Variants in STXBP5L observed in about 807,000 individuals in gnomAD.
STXBP5L encodes the protein syntaxin-binding protein 5-like.
STXBP5L carries 65 observed loss-of-function variants against 144.5 expected under a neutral mutation model. The observed-to-expected ratio is 0.45, with a 90% CI of 0.37 to 0.55. The LOEUF (loss-of-function observed/expected upper bound fraction) is 0.55. Among genes scored for constraint, STXBP5L ranks in the 20% least tolerant of loss-of-function variants. The pLI is 0.00. For synonymous variants in STXBP5L, 505 were observed against 469.6 expected (o/e 1.08, Z -0.97); for missense variants, 1,298 against 1,405.5 (o/e 0.92, Z 1.22).
intron 12 of STXBP5L, 45 bp downstream of exon 12, chr3:121,233,733 T>C (rs1431501206): frequency 1.5e-6 from 2 of 1,358,230 alleles, no homozygotes; most frequent in Non-Finnish European, 1.0e-6. Context: ...CTCTATTTAT[T>C]TTAGATTATT....
chr3:121,074,218 G>A (rs1038510094), intron 5 of STXBP5L, among the ~76,000 whole-genome samples: 57 of 152,142 alleles, frequency 3.7e-4, no homozygotes, highest in African/African-American at 1.3e-3. Flanking sequence ...TCAGGAGCTC[G>A]TTGGATGCAG....
intron 19 of STXBP5L, among the ~76,000 whole-genome samples, chr3:121,301,958 C>T (rs338968): frequency 0.76 from 115,667 of 152,126 alleles, 44,082 homozygotes; most frequent in East Asian, 0.93. Context: ...CAGTATTTTA[C>T]TGAGGATTTT....
intron 3 of STXBP5L, among the ~76,000 whole-genome samples, chr3:121,016,436 A>G (rs754939722): frequency 6.6e-6 from 1 of 152,230 alleles, no homozygotes; most frequent in Admixed American, 6.5e-5. Context: ...AGGAAATTCT[A>G]GAAATCAAAA....
intron 16 of STXBP5L, 151 bp downstream of exon 16, chr3:121,255,263 T>C (rs909841152): frequency 9.8e-6 from 5 of 507,846 alleles, no homozygotes; most frequent in African/African-American, 2.0e-5. Flanking sequence ...TATTGTTACT[T>C]ACTATAACAT....
At chr3:121,026,030 TAA>T (rs1026902824) in intron 3 of STXBP5L, among the ~76,000 whole-genome samples, 21 of 137,346 alleles carry the variant, frequency 1.5e-4, no homozygotes, top group Admixed American at 2.2e-4. Context: ...TATAATTTTA[TAA>T]GTTATATATA....
chr3:121,093,987 G>T (rs918386740), intron 5 of STXBP5L, among the ~76,000 whole-genome samples: 2 of 152,190 alleles, frequency 1.3e-5, no homozygotes, highest in Admixed American at 6.5e-5. Flanking sequence ...GTTCTCGTTG[G>T]TTTCAAAGAA....
intron 3 of STXBP5L, among the ~76,000 whole-genome samples, chr3:121,038,352 C>T (rs1328959425): frequency 6.6e-6 from 1 of 151,786 alleles, no homozygotes; most frequent in Non-Finnish European, 1.5e-5. Context: ...ATTAAATTAT[C>T]TACTGTTTTT....
chr3:120,966,531 G>A (rs1471763316), intron 3 of STXBP5L, among the ~76,000 whole-genome samples: 3 of 152,182 alleles, frequency 2.0e-5, no homozygotes, highest in Non-Finnish European at 2.9e-5. Flanking sequence ...CCTTCTAACA[G>A]TCAGGTCCCT....
At chr3:121,056,726 C>CA (rs1948485950) in intron 5 of STXBP5L, among the ~76,000 whole-genome samples, 1 of 152,064 alleles carries the variant, frequency 6.6e-6, no homozygotes. Flanking sequence ...TTCCCCTCAG[C>CA]AGAGCTAAAC....
At chr3:121,346,669 T>A (rs889055562) in intron 20 of STXBP5L, among the ~76,000 whole-genome samples, 1 of 152,206 alleles carries the variant, frequency 6.6e-6, no homozygotes, top group African/African-American at 2.4e-5. Flanking sequence ...TGGTATCTCA[T>A]TGTGGTTTTG....
rs2044280914 is a variant in STXBP5L at position 121,117,454 on chromosome 3, T to C, written c.605+2395T>C. Reference sequence around the variant, plus strand: ...TGACAGATAACATTTTAAATGCCAATTTCCAATCTCCTGGAACTGTCTTTT... The same window carrying C: ...TGACAGATAACATTTTAAATGCCAACTTCCAATCTCCTGGAACTGTCTTTT... On this transcript the variant is annotated intron_variant, in intron 6 of 26. Transcript: ENST00000471454. Among the ~76,000 whole-genome samples the C allele has an allele frequency of 2.0e-5, 3 of 151,846 alleles. No homozygotes were observed. The South Asian group carries it at 6.2e-4, about 31-fold the overall frequency.
chr3:120,976,771 C>T (rs1446842823), intron 3 of STXBP5L, among the ~76,000 whole-genome samples: 1 of 152,180 alleles, frequency 6.6e-6, no homozygotes, highest in South Asian at 2.1e-4. Context: ...TTTCAAAGAA[C>T]ATCTTTATTC....
chr3:120,944,575 T>C (rs1710745332), intron 2 of STXBP5L, among the ~76,000 whole-genome samples: 1 of 151,806 alleles, frequency 6.6e-6, no homozygotes, highest in African/African-American at 2.4e-5. Flanking sequence ...TCTTTGAATG[T>C]GATAGTTTCC....
chr3:121,283,979 T>C (rs1004225074), intron 19 of STXBP5L, among the ~76,000 whole-genome samples: 14 of 151,760 alleles, frequency 9.2e-5, no homozygotes, highest in Admixed American at 6.6e-5. Context: ...AGACTTCTTT[T>C]GGCTTTACAG....
rs561213267 is a variant in STXBP5L at position 121,023,015 on chromosome 3, A to G, written c.288-18685A>G. On this transcript the variant is annotated intron_variant, in intron 3 of 26. Transcript: ENST00000471454. ...CCTAGAAAACTCTAAAGACTCATCTAAAAAGCTCCTAGAACTGGTAAATAG... is the reference window on the plus strand; with the variant it reads ...CCTAGAAAACTCTAAAGACTCATCTGAAAAGCTCCTAGAACTGGTAAATAG... 3.3e-5 allele frequency among the ~76,000 whole-genome samples: 5 copies of G among 152,158 alleles called. No homozygotes were observed. The South Asian group carries it at 1.0e-3, about 32-fold the overall frequency.
intron 9 of STXBP5L, among the ~76,000 whole-genome samples, chr3:121,165,821 G>T (rs1163133979): frequency 6.6e-6 from 1 of 151,990 alleles, no homozygotes; most frequent in Non-Finnish European, 1.5e-5. Context: ...CCTCCCAGTG[G>T]GCAGGCCGGT....
chr3:121,037,475 T>A (rs1056849843), intron 3 of STXBP5L, among the ~76,000 whole-genome samples: 2 of 152,006 alleles, frequency 1.3e-5, no homozygotes, highest in Non-Finnish European at 2.9e-5. Context: ...AGGCTGGTCT[T>A]GAAATCCTGG....
chr3:120,983,640 A>T (rs1040776172), intron 3 of STXBP5L, among the ~76,000 whole-genome samples: 3 of 151,998 alleles, frequency 2.0e-5, no homozygotes, highest in African/African-American at 7.3e-5. Context: ...GCCTGGGAGG[A>T]CTGAGGGACT....
At chr3:121,060,031 G>C (rs1576816911) in intron 5 of STXBP5L, among the ~76,000 whole-genome samples, 1 of 152,060 alleles carries the variant, frequency 6.6e-6, no homozygotes, top group East Asian at 1.9e-4. Flanking sequence ...GGTGAGAGAG[G>C]GCATCCTTGT....
Sources: gnomAD v4.1 joint callset for allele counts (sites outside exome capture counted in the v4.1 genomes callset) on GRCh38, gnomAD v4.1.1 for gene constraint, MANE v1.5 for transcripts, NCBI Gene and HGNC (gene_info 2026-07-23, HGNC 2026-07-21) for gene names.